The following DOCK3 variants were observed in gnomAD, a reference collection of about 807,000 sequenced individuals.
DOCK3 encodes the protein dedicator of cytokinesis protein 3.
In DOCK3, 60 loss-of-function variants were observed where a neutral mutation model predicts 265.6. That is an observed-to-expected ratio of 0.23 (90% CI 0.18 to 0.28). DOCK3 has a LOEUF of 0.28. Ranked by LOEUF, DOCK3 falls within the 10% of genes least tolerant of loss-of-function variation. DOCK3 has a pLI of 1.00. For synonymous variants in DOCK3, 881 were observed against 938.0 expected (o/e 0.94, Z 1.11); for missense variants, 1,981 against 2,594.3 (o/e 0.76, Z 5.14).
chr3:50,878,923 AG>A (rs1297860244), intron 3 of DOCK3, among the ~76,000 whole-genome samples: 1 of 152,154 alleles, frequency 6.6e-6, no homozygotes, highest in East Asian at 1.9e-4. Context: ...GACTAACAGC[AG>A]ATCTCTCGGC....
At chr3:51,112,599 C>T (rs983776296) in intron 9 of DOCK3, among the ~76,000 whole-genome samples, 1 of 152,050 alleles carries the variant, frequency 6.6e-6, no homozygotes. Context: ...AGTTTGCAAC[C>T]TGGATAGTGG....
Position 51,309,320 on chromosome 3 carries a change from G to A in DOCK3, c.2923-912G>A, listed in dbSNP as rs553258287. Among the ~76,000 whole-genome samples the A allele has an allele frequency of 7.3e-3, 1,114 of 152,326 alleles. 15 individuals are homozygous for A. Among genetic ancestry groups the A allele is most frequent in the African/African-American group, 0.026 (1,068 of 41,580 alleles). The stretch of plus-strand genomic sequence containing the variant: ...TTGAGCACTGAGTGAACGAGACTCC[G>A]TCTGCAATCCCGGCACCTCAGGAGG... On this transcript the variant is annotated intron_variant, in intron 27 of 52. Transcript: ENST00000266037.
At chr3:50,889,932 G>A (rs141606272) in intron 3 of DOCK3, 94 bp from the exon 4 acceptor site, 26,273 of 1,006,430 alleles carry the variant, frequency 0.026, 401 homozygotes, top group Middle Eastern at 0.036. Flanking sequence ...GATCTACTAT[G>A]TTTCTGTGCT....
intron 5 of DOCK3, among the ~76,000 whole-genome samples, chr3:50,948,021 AATTATTATTATTATTATTATT>A (rs374547418): frequency 4.2e-5 from 5 of 120,354 alleles, no homozygotes; most frequent in African/African-American, 1.3e-4. Context: ...ACGCCCAGCT[AATTATTATTATTATTATTATT>A]ATTATTATTA....
At chr3:50,816,251 C>T (rs1408048980) in intron 2 of DOCK3, among the ~76,000 whole-genome samples, 1 of 151,196 alleles carries the variant, frequency 6.6e-6, no homozygotes, top group Non-Finnish European at 1.5e-5. Context: ...AATGTTTTTC[C>T]ATTCTCAGAT....
chr3:50,682,352 T>G (rs1252448725), intron 1 of DOCK3, among the ~76,000 whole-genome samples: 1 of 152,230 alleles, frequency 6.6e-6, no homozygotes, highest in East Asian at 1.9e-4. Context: ...AACACATATT[T>G]GCTGCATCAT....
At chr3:50,769,075 AT>A (rs11334129) in intron 1 of DOCK3, among the ~76,000 whole-genome samples, 52,121 of 147,024 alleles carry the variant, frequency 0.35, 9,598 homozygotes, top group East Asian at 0.57. Context: ...TATTAATTGG[AT>A]TTTTTTTTTT....
chr3:51,189,241 C>G (rs2087795382), intron 12 of DOCK3, among the ~76,000 whole-genome samples: 1 of 152,048 alleles, frequency 6.6e-6, no homozygotes, highest in African/African-American at 2.4e-5. Flanking sequence ...TTGAGAAATT[C>G]TGTTCAGATT....
In DOCK3 at chr3:51,153,270, C is replaced by T. The variant is rs146276087; in HGVS notation, c.829-5974C>T. Among the ~76,000 whole-genome samples the T allele has an allele frequency of 4.9e-4, 75 of 152,226 alleles. 1 individual carries two copies. Among genetic ancestry groups the T allele is most frequent in the Non-Finnish European group, 9.1e-4 (62 of 68,048 alleles). On this transcript the variant is annotated intron_variant, in intron 10 of 52. Coordinates refer to ENST00000266037, the MANE Select transcript of DOCK3 (RefSeq NM_004947.5). ...TCGATCTTAGACTGCTGCACTAGCA[C>T]TGAGCAAGGCTCTGTGGGCATGGGA...
chr3:51,226,486 AAG>A (rs1208869625), intron 15 of DOCK3, among the ~76,000 whole-genome samples: 8 of 152,252 alleles, frequency 5.3e-5, no homozygotes, highest in Non-Finnish European at 1.0e-4. Flanking sequence ...GACAGAGGAA[AAG>A]GGTAAAATTA....
intron 3 of DOCK3, among the ~76,000 whole-genome samples, chr3:50,856,534 TA>T (rs1375014379): frequency 6.6e-6 from 1 of 152,112 alleles, no homozygotes; most frequent in Non-Finnish European, 1.5e-5. Context: ...TTAATGGGGT[TA>T]TTTGTTTTTT....
intron 9 of DOCK3, among the ~76,000 whole-genome samples, chr3:51,124,536 T>C (rs1163930859): frequency 6.6e-6 from 1 of 152,118 alleles, no homozygotes; most frequent in Non-Finnish European, 1.5e-5. Context: ...AAGGATAGAC[T>C]GAGTGCACAG....
chr3:51,190,173 C>T (rs1039967652), intron 12 of DOCK3, among the ~76,000 whole-genome samples: 1 of 152,168 alleles, frequency 6.6e-6, no homozygotes, highest in African/African-American at 2.4e-5. Flanking sequence ...AGGGTATTCC[C>T]TTGATGTGAT....
intron 12 of DOCK3, among the ~76,000 whole-genome samples, chr3:51,201,931 A>C (rs913386031): frequency 6.6e-6 from 1 of 152,240 alleles, no homozygotes; most frequent in African/African-American, 2.4e-5. Flanking sequence ...TACTGGGTAC[A>C]TAAAGAAATG....
At chr3:51,295,073 G>C (rs1348034561) in intron 27 of DOCK3, among the ~76,000 whole-genome samples, 6 of 152,062 alleles carry the variant, frequency 3.9e-5, no homozygotes, top group Non-Finnish European at 8.8e-5. Context: ...ACCCTTAAAT[G>C]GTATAAAGGA....
chr3:50,747,615 G>A (rs190806634), intron 1 of DOCK3, among the ~76,000 whole-genome samples: 265 of 152,292 alleles, frequency 1.7e-3, no homozygotes, highest in Non-Finnish European at 3.3e-3. Flanking sequence ...TGCAATCCCA[G>A]CACTTTGGGA....
intron 4 of DOCK3, among the ~76,000 whole-genome samples, chr3:50,906,600 G>A (rs1005522045): frequency 7.9e-5 from 12 of 151,858 alleles, no homozygotes; most frequent in Non-Finnish European, 8.8e-5. Flanking sequence ...CTGTGGGATC[G>A]GTGGTGATAT....
At chr3:51,082,339 A>G (rs1385963337) in intron 7 of DOCK3, among the ~76,000 whole-genome samples, 4 of 151,942 alleles carry the variant, frequency 2.6e-5, no homozygotes, top group African/African-American at 9.7e-5. Context: ...ACATCCCCCT[A>G]TGTCCATTCA....
At chr3:51,094,663 T>C (rs2082763528) in intron 9 of DOCK3, among the ~76,000 whole-genome samples, 1 of 151,696 alleles carries the variant, frequency 6.6e-6, no homozygotes. Flanking sequence ...CTCTATCTCC[T>C]TCAATTCTGT....
Sources: gnomAD v4.1 joint callset for allele counts (sites outside exome capture counted in the v4.1 genomes callset) on GRCh38, gnomAD v4.1.1 for gene constraint, MANE v1.5 for transcripts, NCBI Gene and HGNC (gene_info 2026-07-23, HGNC 2026-07-21) for gene names.